TRPV1: variants seen among roughly 807,000 people sequenced by gnomAD.
TRPV1 encodes the protein transient receptor potential cation channel subfamily V member 1.
TRPV1 carries 82 observed loss-of-function variants against 82.3 expected under a neutral mutation model. That is an observed-to-expected ratio of 1.00 (90% CI 0.83 to 1.20). The LOEUF (loss-of-function observed/expected upper bound fraction) is 1.20, where lower values mean the gene tolerates loss of function less well. Among genes scored for constraint, TRPV1 ranks in the 50% most tolerant of loss-of-function variants. The probability of loss-of-function intolerance (pLI) is 0.00; values close to 1 mark genes in which losing one functional copy is unlikely to be tolerated. For missense variants in TRPV1, 1,067 were observed against 1,096.8 expected (o/e 0.97, Z 0.38); for synonymous variants, 515 against 467.7 (o/e 1.10, Z -1.30).
chr17:3,590,013 C>A lies in TRPV1; in HGVS notation c.838G>T (p.Ala280Ser). 2 of 1,564,668 alleles carry A rather than the reference C, an allele frequency of 1.3e-6. No individual in the cohort carries two copies. Among genetic ancestry groups the A allele is most frequent in the Non-Finnish European group, 1.7e-6 (2 of 1,155,240 alleles). Reference protein sequence around the residue: ...QNSWQTADISARDSVGNTVLH... With the variant: ...QNSWQTADISSRDSVGNTVLH... ...ACCGTGTTGCCCACCGAGTCCCTGG[C>A]GCTGATGTCGGCCGTCTGCCAGGAG... Residue 280 changes from alanine (A) to serine (S), a missense_variant, in exon 7 of 17, where the codon GCC becomes TCC. By Grantham distance (99) the Ala-to-Ser change is moderately conservative. Coordinates refer to ENST00000572705, the MANE Select transcript of TRPV1 (RefSeq NM_080704.4).
intron 2 of TRPV1, chr17:3,592,699 A>T: frequency 4.0e-6 from 1 of 252,922 alleles, no homozygotes; most frequent in Non-Finnish European, 7.7e-6. Context: ...TCTGGGCCTC[A>T]GGTGCCTCCT....
Position 3,566,701 on chromosome 17 carries a change from G to A in TRPV1, c.*114C>T, listed in dbSNP as rs2074767072. On this transcript the variant is annotated 3_prime_UTR_variant, in exon 17 of 17. Transcript: ENST00000572705. ...CAGCACAGATTTGGGAACATGCTGG[G>A]CAGGCACAGACCAGGCCAGGCTGCT... is the stretch of plus-strand genomic sequence containing the variant. 2 of 1,311,074 alleles carry A rather than the reference G, an allele frequency of 1.5e-6. No individual in the cohort carries two copies. The highest frequency in any genetic ancestry group is 1.5e-5 in the South Asian group (1 of 67,798). The allele number at this position is 1,311,074 out of a possible 1,614,324, so 81.2% of individuals were successfully genotyped here.
chr17:3,581,351 T>A (rs1054908559), intron 10 of TRPV1, among the ~76,000 whole-genome samples: 16 of 152,130 alleles, frequency 1.1e-4, no homozygotes, highest in African/African-American at 3.6e-4. Context: ...CTGTCAGCCA[T>A]GAGTCCTGTC....
chr17:3,576,668 A>AATATATATATATATAT (rs1555549458), intron 13 of TRPV1, among the ~76,000 whole-genome samples: 2 of 38,416 alleles, frequency 5.2e-5, no homozygotes, highest in African/African-American at 1.5e-4. Context: ...AAAAAAAAAA[A>AATATATATATATATAT]ATATATATAT....
At chr17:3,572,071 G>T in intron 15 of TRPV1, 51 bp downstream of exon 15, 1 of 1,595,734 alleles carries the variant, frequency 6.3e-7, no homozygotes, top group Non-Finnish European at 8.6e-7. Flanking sequence ...TGTGTCCACA[G>T]GTGAGCCCCA....
Position 3,571,689 on chromosome 17 carries a change from G to A in TRPV1, c.2232-50C>T, listed in dbSNP as rs769141369. 2.2e-5 allele frequency: 32 copies of A among 1,466,376 alleles called. No homozygotes were observed. In the African/African-American group the frequency reaches 2.5e-4, roughly 12 times the overall value. The allele number at this position is 1,466,376 out of a possible 1,614,324, so 90.8% of individuals were successfully genotyped here. On this transcript the variant is annotated intron_variant, in intron 15 of 16. Transcript: ENST00000572705. ...CCTGAGAGCTGTGCCCAGCTTCCCG[G>A]GCCAAGGGCTCTGCCCACAGGCCAA...
chr17:3,588,221 C>A lies in TRPV1; in HGVS notation c.1191G>T (p.Leu397=). The stretch of plus-strand genomic sequence containing the variant: ...CGCTGCTGCTGTAGGCGATCACCTC[C>A]AGCACCGAGTTCTTCTCGCAGGTGT... The part of the protein sequence containing the change: ...CIDTCEKNSV[L]EVIAYSSSET... The change falls in exon 8 of 17, where the codon CTG becomes CTT. Residue 397 remains leucine, a synonymous_variant. Transcript: ENST00000572705. The A allele has an allele frequency of 6.3e-7, 1 of 1,575,028 alleles. No individual in the cohort carries two copies. The highest frequency in any genetic ancestry group is 1.8e-5 in the Admixed American group (1 of 54,164).
chr17:3,582,126 C>G (rs1428852711), intron 10 of TRPV1, among the ~76,000 whole-genome samples: 2 of 129,996 alleles, frequency 1.5e-5, no homozygotes, highest in Non-Finnish European at 1.6e-5. Context: ...GGAGGCGGAG[C>G]TTGCAGTGAG....
At chr17:3,595,695 G>T (rs1357433030) in intron 2 of TRPV1, 1 of 152,268 alleles carries the variant, frequency 6.6e-6, no homozygotes, top group East Asian at 1.9e-4. Context: ...GAACCTTTCG[G>T]CAATGTTCTT....
At chr17:3,570,960 A>G (rs1597510408) in intron 16 of TRPV1, among the ~76,000 whole-genome samples, 1 of 151,900 alleles carries the variant, frequency 6.6e-6, no homozygotes, top group African/African-American at 2.4e-5. Context: ...CAGGTGATCC[A>G]CCCGTCTCAG....
chr17:3,573,179 C>T (rs2074881497), intron 14 of TRPV1, among the ~76,000 whole-genome samples: 1 of 152,132 alleles, frequency 6.6e-6, no homozygotes. Context: ...AGAAATGTAG[C>T]TGTCAGGGCC....
At chr17:3,583,073 C>A (rs967525445) in intron 10 of TRPV1, among the ~76,000 whole-genome samples, 1 of 152,160 alleles carries the variant, frequency 6.6e-6, no homozygotes, top group Non-Finnish European at 1.5e-5. Context: ...CACTCTGCCC[C>A]TGTAATCAAA....
At chr17:3,595,203 G>A (rs1240357282) in intron 2 of TRPV1, among the ~76,000 whole-genome samples, 2 of 152,110 alleles carry the variant, frequency 1.3e-5, no homozygotes, top group Admixed American at 6.6e-5. Context: ...CTCAGGACTC[G>A]CATTCCTTCA....
chr17:3,583,608 G>A (rs1277124852), intron 9 of TRPV1, among the ~76,000 whole-genome samples, 178 bp from the exon 10 acceptor site: 1 of 152,266 alleles, frequency 6.6e-6, no homozygotes, highest in African/African-American at 2.4e-5. Context: ...CTGTGGGCCT[G>A]ATTCCCCAAA....
In TRPV1 at chr17:3,592,193, C is replaced by T. The variant is rs751035713; in HGVS notation, c.158G>A (p.Gly53Asp). ...CACCGGGAAAGCCTCCTCCGAGTCA[C>T]CCTTCCCAAAGAGCCGGGTGCGGCT... ...AKSRTRLFGK[G>D]DSEEAFPVDC... Residue 53 changes from glycine (G) to aspartate (D), a missense_variant, in exon 3 of 17, where the codon GGT becomes GAT. Transcript: ENST00000572705. The T allele has an allele frequency of 3.7e-6, 6 of 1,613,456 alleles. No homozygotes were observed. The highest frequency in any genetic ancestry group is 1.1e-5 in the South Asian group (1 of 91,004).
rs533678847 is a variant in TRPV1, at chr17:3,606,556, C to T, written c.-34+1871G>A. On this transcript the variant is annotated intron_variant, in intron 2 of 16. Coordinates refer to ENST00000572705, the MANE Select transcript of TRPV1 (RefSeq NM_080704.4). The stretch of plus-strand genomic sequence containing the variant: ...ATACTGACGGCCAGCAAAGGAGCCC[C>T]GCTCACCACTTCTTCAGAAGCATGC... Among the ~76,000 whole-genome samples, 6 of 152,266 alleles carry T rather than the reference C, an allele frequency of 3.9e-5. No individual in the cohort carries two copies. In the East Asian group the frequency reaches 7.7e-4, roughly 20 times the overall value.
chr17:3,586,219 G>A (rs2075083563), intron 8 of TRPV1, among the ~76,000 whole-genome samples: 1 of 152,160 alleles, frequency 6.6e-6, no homozygotes, highest in African/African-American at 2.4e-5. Context: ...CGCACTGCCC[G>A]TTGTGTCTAA....
chr17:3,590,061 T>G lies in TRPV1; in HGVS notation c.790A>C (p.Ile264Leu). 6.2e-7 allele frequency: 1 copy of G among 1,600,524 alleles called. No homozygotes were observed. The highest frequency in any genetic ancestry group is 8.5e-7 in the Non-Finnish European group (1 of 1,174,126). ...SLAACTNQLGIVKFLLQNSWQ... is the reference protein window; with the variant it reads ...SLAACTNQLGLVKFLLQNSWQ... ...GAGTTCTGCAGCAGGAACTTCACGA[T>G]GCCCAGCTGGTTGGTGCACGCGGCC... The change falls in exon 7 of 17, where the codon ATC becomes CTC. Residue 264 changes from isoleucine (I) to leucine (L), a missense_variant. Coordinates refer to ENST00000572705, the MANE Select transcript of TRPV1 (RefSeq NM_080704.4).
intron 13 of TRPV1, among the ~76,000 whole-genome samples, chr17:3,576,458 C>A (rs1394664369): frequency 6.6e-6 from 1 of 151,700 alleles, no homozygotes; most frequent in Non-Finnish European, 1.5e-5. Context: ...CGAGACCATC[C>A]TGGCTAACAT....
Sources: gnomAD v4.1 joint callset for allele counts (sites outside exome capture counted in the v4.1 genomes callset) on GRCh38, gnomAD v4.1.1 for gene constraint, MANE v1.5 for transcripts, NCBI Gene and HGNC (gene_info 2026-07-23, HGNC 2026-07-21) for gene names.